ZMYND8: variants seen among roughly 807,000 people sequenced by gnomAD.
ZMYND8 encodes the protein MYND-type zinc finger-containing chromatin reader ZMYND8.
ZMYND8 carries 37 observed loss-of-function variants against 140.8 expected under a neutral mutation model. The ratio of observed to expected loss-of-function variants is 0.26; its 90% confidence interval spans 0.20 to 0.35. ZMYND8 has a LOEUF of 0.35. Ranked by LOEUF, ZMYND8 falls within the 10% of genes least tolerant of loss-of-function variation. The pLI is 1.00. For synonymous variants in ZMYND8, 592 were observed against 597.1 expected (o/e 0.99, Z 0.12); for missense variants, 1,068 against 1,570.0 (o/e 0.68, Z 5.40).
At chr20:47,262,946 A>C (rs1393924666) in intron 11 of ZMYND8, among the ~76,000 whole-genome samples, 3 of 152,192 alleles carry the variant, frequency 2.0e-5, no homozygotes, top group Non-Finnish European at 4.4e-5. Flanking sequence ...ATGTAAAGCC[A>C]AACCCAGTAC....
intron 5 of ZMYND8, among the ~76,000 whole-genome samples, chr20:47,292,572 A>C (rs2077334605): frequency 6.6e-6 from 1 of 152,166 alleles, no homozygotes; most frequent in Admixed American, 6.5e-5. Context: ...TCATCTCTTC[A>C]AAATTTCAGA....
chr20:47,243,795 ATG>A (rs2040231302), intron 14 of ZMYND8, among the ~76,000 whole-genome samples: 3 of 152,350 alleles, frequency 2.0e-5, no homozygotes, highest in African/African-American at 7.2e-5. Flanking sequence ...CAGTATAAAT[ATG>A]TCACTCATAG....
At chr20:47,253,088 A>T (rs1480079777) in intron 12 of ZMYND8, among the ~76,000 whole-genome samples, 4 of 152,202 alleles carry the variant, frequency 2.6e-5, no homozygotes, top group African/African-American at 9.7e-5. Flanking sequence ...AAAGCCGTAA[A>T]ATCTGCCATC....
intron 2 of ZMYND8, among the ~76,000 whole-genome samples, chr20:47,317,423 G>A (rs550939643): frequency 5.4e-4 from 71 of 132,608 alleles, no homozygotes; most frequent in Non-Finnish European, 8.3e-4. Flanking sequence ...CCCCACATCC[G>A]GTGCCTGAGT....
chr20:47,222,565 G>A (rs1363350816), intron 19 of ZMYND8, among the ~76,000 whole-genome samples: 12 of 152,050 alleles, frequency 7.9e-5, no homozygotes, highest in South Asian at 2.1e-4. Flanking sequence ...AGAAAAACGC[G>A]TCTGGGAGGA....
intron 2 of ZMYND8, among the ~76,000 whole-genome samples, chr20:47,324,306 C>T (rs1324988112): frequency 2.0e-5 from 3 of 151,756 alleles, no homozygotes; most frequent in African/African-American, 7.3e-5. Flanking sequence ...CACCTGAAGT[C>T]AGGAGTTCGA....
At chr20:47,348,209 AC>A in intron 1 of ZMYND8, 1 of 432,838 alleles carries the variant, frequency 2.3e-6, no homozygotes, top group East Asian at 4.8e-5. Context: ...CACAATTACA[AC>A]CTACCCCTGT....
chr20:47,315,267 G>A (rs974410598), intron 2 of ZMYND8, among the ~76,000 whole-genome samples: 1 of 152,174 alleles, frequency 6.6e-6, no homozygotes, highest in Non-Finnish European at 1.5e-5. Context: ...GCCCACACCT[G>A]AGAGTATTCC....
intron 14 of ZMYND8, among the ~76,000 whole-genome samples, chr20:47,240,048 C>G (rs1192578930): frequency 6.6e-6 from 1 of 151,810 alleles, no homozygotes; most frequent in African/African-American, 2.4e-5. Flanking sequence ...ACCAGCCTGA[C>G]CAACATGGGG....
intron 10 of ZMYND8, among the ~76,000 whole-genome samples, chr20:47,277,621 G>C (rs1177218513): frequency 6.6e-6 from 1 of 151,852 alleles, no homozygotes; most frequent in African/African-American, 2.4e-5. Flanking sequence ...AGGCTTTTGT[G>C]GGGGATTTTT....
At chr20:47,221,286 C>T in intron 20 of ZMYND8, 28 bp downstream of exon 20, 1 of 1,612,386 alleles carries the variant, frequency 6.2e-7, no homozygotes, top group South Asian at 1.1e-5. Context: ...GTAGATGTCA[C>T]TAGCCAAAGG....
At chr20:47,344,919 C>G (rs1470139933) in intron 2 of ZMYND8, among the ~76,000 whole-genome samples, 1 of 152,096 alleles carries the variant, frequency 6.6e-6, no homozygotes, top group Non-Finnish European at 1.5e-5. Context: ...TTCAGACCAG[C>G]CTGGGCAACC....
Position 47,236,419 on chromosome 20 carries a change from G to T in ZMYND8, c.2763C>A (p.Ser921=). ...TGACTGAGGACACAAGGGTGCTCAT[G>T]GACCCCGAGCTGGTGACCAGGGGCG... ...QSSPLVTSSG[S]MSTLVSSVNA... Residue 921 remains serine (S), a synonymous_variant, in exon 16 of 23, where the codon TCC becomes TCA. Transcript: ENST00000471951. 6.2e-7 allele frequency: 1 copy of T among 1,614,168 alleles called. No homozygotes were observed. The highest frequency in any genetic ancestry group is 8.5e-7 in the Non-Finnish European group (1 of 1,180,034).
intron 6 of ZMYND8, among the ~76,000 whole-genome samples, chr20:47,291,590 T>C (rs2077268501): frequency 6.6e-6 from 1 of 152,200 alleles, no homozygotes; most frequent in African/African-American, 2.4e-5. Context: ...AATTTCAACA[T>C]TCCACTGCAA....
intron 16 of ZMYND8, among the ~76,000 whole-genome samples, chr20:47,233,196 C>A (rs981669320): frequency 2.0e-5 from 3 of 147,564 alleles, no homozygotes; most frequent in Non-Finnish European, 4.5e-5. Flanking sequence ...TGTGAGACAC[C>A]GCACCAGGCT....
chr20:47,240,439 G>C (rs1159366764), intron 14 of ZMYND8, among the ~76,000 whole-genome samples: 2 of 151,356 alleles, frequency 1.3e-5, no homozygotes, highest in Non-Finnish European at 2.9e-5. Context: ...GCTTGAACCC[G>C]GGACGTGGAG....
chr20:47,313,308 C>T (rs1412573061), intron 2 of ZMYND8, among the ~76,000 whole-genome samples: 3 of 151,764 alleles, frequency 2.0e-5, no homozygotes, highest in Non-Finnish European at 2.9e-5. Context: ...GGTGAAACCC[C>T]GCATCTACAA....
At chr20:47,251,035 G>GA (rs74178718) in intron 12 of ZMYND8, among the ~76,000 whole-genome samples, 3 of 120,936 alleles carry the variant, frequency 2.5e-5, no homozygotes, top group Non-Finnish European at 5.2e-5. Flanking sequence ...TTTTTTGAAG[G>GA]AAAAAAAAGG....
chr20:47,274,220 G>A (rs909468120), intron 11 of ZMYND8, among the ~76,000 whole-genome samples: 14 of 152,024 alleles, frequency 9.2e-5, no homozygotes, highest in Non-Finnish European at 1.9e-4. Flanking sequence ...AGAACCAATG[G>A]TCATATATAT....
Sources: gnomAD v4.1 joint callset for allele counts (sites outside exome capture counted in the v4.1 genomes callset) on GRCh38, gnomAD v4.1.1 for gene constraint, MANE v1.5 for transcripts, NCBI Gene and HGNC (gene_info 2026-07-23, HGNC 2026-07-21) for gene names.